The following CNTNAP4 variants were observed in gnomAD, a reference collection of about 807,000 sequenced individuals.
CNTNAP4 encodes contactin-associated protein-like 4.
A neutral mutation model predicts 148.4 loss-of-function variants in CNTNAP4; 98 were observed. The ratio of observed to expected loss-of-function variants is 0.66; its 90% CI spans 0.56 to 0.78. The LOEUF (loss-of-function observed/expected upper bound fraction) is 0.78, where lower values mean the gene tolerates loss of function less well. Among genes scored for constraint, CNTNAP4 ranks in the 30% least tolerant of loss-of-function variants. The pLI is 0.00. For missense variants in CNTNAP4, 1,935 were observed against 1,565.6 expected, an observed-to-expected ratio of 1.24 and a Z score of -3.98; for synonymous variants, 730 against 565.1, an observed-to-expected ratio of 1.29 and a Z score of -4.14.
At chr16:76,333,758 T>C (rs1442459859) in intron 2 of CNTNAP4, among the ~76,000 whole-genome samples, 2 of 151,756 alleles carry the variant, frequency 1.3e-5, no homozygotes, top group East Asian at 1.9e-4. Context: ...GGTCTGTTTT[T>C]GTTGCTTGTG....
chr16:76,522,938 T>C (rs1323707269), intron 17 of CNTNAP4, among the ~76,000 whole-genome samples: 1 of 151,590 alleles, frequency 6.6e-6, no homozygotes, highest in Non-Finnish European at 1.5e-5. Context: ...AATTTGTTTG[T>C]ATTTTTAGTA....
chr16:76,537,099 C>T (rs1031759232), intron 18 of CNTNAP4, among the ~76,000 whole-genome samples: 3 of 152,152 alleles, frequency 2.0e-5, no homozygotes, highest in Non-Finnish European at 4.4e-5. Context: ...GGACACTTTT[C>T]ATGTTTAAAG....
chr16:76,384,074 C>A (rs975988426), intron 3 of CNTNAP4, among the ~76,000 whole-genome samples: 1 of 151,910 alleles, frequency 6.6e-6, no homozygotes, highest in Non-Finnish European at 1.5e-5. Context: ...GATGGAGTCT[C>A]GCCCTGTTGC....
At chr16:76,470,671 CAAAA>C (rs1365651023) in intron 10 of CNTNAP4, among the ~76,000 whole-genome samples, 1 of 150,892 alleles carries the variant, frequency 6.6e-6, no homozygotes, top group Non-Finnish European at 1.5e-5. Context: ...AACAAACAAA[CAAAA>C]AACCAGGAAG....
At chr16:76,545,761 G>T (rs569446530) in intron 21 of CNTNAP4, among the ~76,000 whole-genome samples, 15 of 152,322 alleles carry the variant, frequency 9.8e-5, no homozygotes, top group African/African-American at 2.9e-4. Context: ...TACCCAGCCA[G>T]GCACAGTGGC....
At chr16:76,417,475 T>G (rs775957942) in intron 3 of CNTNAP4, among the ~76,000 whole-genome samples, 1 of 151,506 alleles carries the variant, frequency 6.6e-6, no homozygotes, top group Non-Finnish European at 1.5e-5. Context: ...AACAGAGTAT[T>G]CCTAACTTCT....
chr16:76,315,665 G>A lies in CNTNAP4; in HGVS notation c.86-748G>A, dbSNP rs558678790. On this transcript the variant is annotated intron_variant, in intron 1 of 23. Coordinates refer to ENST00000611870, the MANE Select transcript of CNTNAP4 (RefSeq NM_033401.5). ...GCTGGAGTGCAGTGGTGTGATCTCG[G>A]CTCACTGCAACCTCTGCCTCTCAGG... Among the ~76,000 whole-genome samples, 12 of 152,012 alleles carry A rather than the reference G, an allele frequency of 7.9e-5. No homozygotes were observed. In the South Asian group the frequency reaches 2.3e-3, roughly 29 times the overall value.
At chr16:76,362,640 G>T (rs2013575683) in intron 3 of CNTNAP4, among the ~76,000 whole-genome samples, 1 of 152,106 alleles carries the variant, frequency 6.6e-6, no homozygotes, top group South Asian at 2.1e-4. Context: ...AGGGTGTCAA[G>T]AACAAACAAA....
chr16:76,296,799 C>T (rs1346441128), intron 1 of CNTNAP4, among the ~76,000 whole-genome samples: 1 of 152,110 alleles, frequency 6.6e-6, no homozygotes, highest in Non-Finnish European at 1.5e-5. Context: ...GAATTATTGA[C>T]CATATTTGAT....
chr16:76,284,733 T>G (rs1220727605), intron 1 of CNTNAP4, among the ~76,000 whole-genome samples: 5 of 152,046 alleles, frequency 3.3e-5, no homozygotes, highest in Non-Finnish European at 7.4e-5. Flanking sequence ...GCTGTGATTG[T>G]CTGTGTATTG....
rs141601676 is a variant in CNTNAP4 at position 76,391,904 on chromosome 16, G to T, written c.391-35548G>T. Among the ~76,000 whole-genome samples the T allele has an allele frequency of 4.6e-3, 693 of 152,294 alleles. 10 individuals carry two copies. The highest frequency in any genetic ancestry group is 0.013 in the African/African-American group (537 of 41,562). ...TGCACACCCAAGTTTGAATTGCTCTGTTCCACAGGACTTAGCTTGTATTTT... is the reference window on the plus strand; with the variant it reads ...TGCACACCCAAGTTTGAATTGCTCTTTTCCACAGGACTTAGCTTGTATTTT... On this transcript the variant is annotated intron_variant, in intron 3 of 23. Coordinates refer to ENST00000611870, the MANE Select transcript of CNTNAP4 (RefSeq NM_033401.5).
At chr16:76,334,018 G>C (rs528260456) in intron 2 of CNTNAP4, among the ~76,000 whole-genome samples, 12 of 151,462 alleles carry the variant, frequency 7.9e-5, no homozygotes, top group Non-Finnish European at 1.6e-4. Flanking sequence ...ATGATGATGA[G>C]CATTTTTTCA....
At chr16:76,457,341 C>T (rs1039426185) in intron 8 of CNTNAP4, among the ~76,000 whole-genome samples, 4 of 152,222 alleles carry the variant, frequency 2.6e-5, no homozygotes, top group African/African-American at 9.6e-5. Flanking sequence ...TAAGTCTCCT[C>T]ATCATAGGCA....
At chr16:76,463,062 C>T (rs2081043330) in intron 9 of CNTNAP4, among the ~76,000 whole-genome samples, 1 of 152,188 alleles carries the variant, frequency 6.6e-6, no homozygotes, top group Admixed American at 6.5e-5. Context: ...TAATCCATTA[C>T]TGTGAAAGGC....
intron 3 of CNTNAP4, among the ~76,000 whole-genome samples, chr16:76,422,374 C>G (rs373471552): frequency 1.7e-5 from 2 of 120,532 alleles, no homozygotes; most frequent in Admixed American, 8.3e-5. Context: ...TTATTTTTGA[C>G]TCCAATAATT....
In CNTNAP4 at chr16:76,521,227, C is replaced by G; in HGVS notation, c.2453C>G (p.Ser818Cys). The G allele has an allele frequency of 6.2e-7, 1 of 1,611,844 alleles. No individual in the cohort carries two copies. The highest frequency in any genetic ancestry group is 8.5e-7 in the Non-Finnish European group (1 of 1,179,170). Reference sequence around the variant, plus strand: ...CACGGAGAACTTAGCGCGGATGTATCTTTCTTTTTTAAGACAACAGCTTCA... The same window carrying G: ...CACGGAGAACTTAGCGCGGATGTATGTTTCTTTTTTAAGACAACAGCTTCA... ...TFHGELSADVSFFFKTTASSG... is the reference protein window; with the variant it reads ...TFHGELSADVCFFFKTTASSG... The change falls in exon 16 of 24, where the codon TCT becomes TGT. Residue 818 changes from serine (S) to cysteine (C), a missense_variant. By Grantham distance (112) the Ser-to-Cys change is moderately radical (BLOSUM62 -1). Transcript: ENST00000611870.
chr16:76,363,744 GAGTT>G (rs2013733234), intron 3 of CNTNAP4, among the ~76,000 whole-genome samples: 1 of 152,110 alleles, frequency 6.6e-6, no homozygotes, highest in Non-Finnish European at 1.5e-5. Context: ...ATCTGATAGG[GAGTT>G]AGTATTAAAA....
intron 3 of CNTNAP4, among the ~76,000 whole-genome samples, chr16:76,422,889 T>C (rs972399287): frequency 3.3e-5 from 5 of 152,194 alleles, no homozygotes; most frequent in Non-Finnish European, 5.9e-5. Context: ...GTCCAAATAT[T>C]TGTGTCTCCC....
chr16:76,405,223 T>C (rs2078560613), intron 3 of CNTNAP4, among the ~76,000 whole-genome samples: 1 of 152,166 alleles, frequency 6.6e-6, no homozygotes, highest in African/African-American at 2.4e-5. Context: ...AAACATAACA[T>C]TAGGTTACAT....
Sources: allele counts gnomAD v4.1 joint callset (sites outside exome capture counted in the v4.1 genomes callset), GRCh38; gene constraint gnomAD v4.1.1; transcripts MANE v1.5; gene names NCBI Gene and HGNC (gene_info 2026-07-23, HGNC 2026-07-21).